The following PARPBP variants were observed in gnomAD, a reference collection of about 807,000 sequenced individuals.
PARPBP encodes the protein PARP1 binding protein, also known as PCNA-interacting partner.
Under a neutral mutation model 50.0 loss-of-function variants are expected in PARPBP, and 52 were observed. The ratio of observed to expected loss-of-function variants is 1.04; its 90% CI spans 0.83 to 1.31. The LOEUF (loss-of-function observed/expected upper bound fraction) is 1.31, where lower values mean the gene tolerates loss of function less well. Ranked by LOEUF, PARPBP falls within the 50% of genes most tolerant of loss-of-function variation. PARPBP has a pLI of 0.00. For missense variants in PARPBP, 697 were observed against 672.0 expected (o/e 1.04, Z -0.41); for synonymous variants, 244 against 232.1 (o/e 1.05, Z -0.47).
At chr12:102,126,404 T>C (rs1882002825) in intron 2 of PARPBP, among the ~76,000 whole-genome samples, 1 of 152,242 alleles carries the variant, frequency 6.6e-6, no homozygotes, top group African/African-American at 2.4e-5. Flanking sequence ...TTTTCTATTT[T>C]CTACTGTAGT....
intron 6 of PARPBP, among the ~76,000 whole-genome samples, chr12:102,168,357 ATT>A (rs1888360373): frequency 3.9e-5 from 6 of 152,082 alleles, no homozygotes; most frequent in Non-Finnish European, 8.8e-5. Context: ...GCAGCCATTT[ATT>A]TTGGATATTC....
rs1023648532 is a variant in PARPBP at position 102,197,207 on chromosome 12, G to A, written c.*916G>A. 1.5e-5 allele frequency: 21 copies of A among 1,440,048 alleles called. No homozygotes were observed. The highest frequency in any genetic ancestry group is 1.8e-5 in the Non-Finnish European group (18 of 1,026,088). The allele number at this position is 1,440,048 out of a possible 1,614,324, so 89.2% of individuals were successfully genotyped here. On this transcript the variant is annotated 3_prime_UTR_variant, in exon 11 of 11. Coordinates refer to ENST00000327680, the MANE Select transcript of PARPBP (RefSeq NM_017915.5). ...AAGGTTGATTTGGTTTTTAGCTATCGTATTCGGAGTGGAACTATAATACAA... is the reference window on the plus strand; with the variant it reads ...AAGGTTGATTTGGTTTTTAGCTATCATATTCGGAGTGGAACTATAATACAA...
chr12:102,167,016 T>C (rs1888202280), intron 6 of PARPBP, among the ~76,000 whole-genome samples: 1 of 152,200 alleles, frequency 6.6e-6, no homozygotes, highest in African/African-American at 2.4e-5. Context: ...AGTCAGGTGG[T>C]ACTACAGTCA....
At chr12:102,178,825 A>G (rs1889553359) in intron 8 of PARPBP, 55 bp downstream of exon 8, 6 of 1,185,820 alleles carry the variant, frequency 5.1e-6, no homozygotes, top group Non-Finnish European at 4.7e-6. Flanking sequence ...AGAATTATAA[A>G]AGAAATGTAT....
chr12:102,196,110 T>C lies in PARPBP; in HGVS notation c.1559T>C (p.Ile520Thr), dbSNP rs755453200. 51 of 1,611,940 alleles carry C rather than the reference T, an allele frequency of 3.2e-5. No individual in the cohort carries two copies. The highest frequency in any genetic ancestry group is 1.3e-4 in the Admixed American group (8 of 59,794). ...CAGGTGGATTTGGATGGTGAAAATATTCTCTGTGATAATAGAAATGAACCA... is the reference window on the plus strand; with the variant it reads ...CAGGTGGATTTGGATGGTGAAAATACTCTCTGTGATAATAGAAATGAACCA... ...RKQVDLDGEN[I>T]LCDNRNEPPQ... Residue 520 changes from isoleucine to threonine, a missense_variant, in exon 11 of 11, where the codon ATT (isoleucine) becomes ACT (threonine). Ile to Thr is a moderately conservative substitution (Grantham distance 89). Transcript: ENST00000327680.
intron 4 of PARPBP, among the ~76,000 whole-genome samples, chr12:102,161,848 T>C (rs1202058365): frequency 8.5e-5 from 13 of 152,198 alleles, no homozygotes; most frequent in Non-Finnish European, 5.9e-5. Context: ...AATACATGAA[T>C]GTCTACTTTA....
At chr12:102,176,936 A>G (rs1889347056) in intron 7 of PARPBP, among the ~76,000 whole-genome samples, 1 of 152,216 alleles carries the variant, frequency 6.6e-6, no homozygotes, top group African/African-American at 2.4e-5. Context: ...AGTATCAATC[A>G]GAATCTGTCA....
intron 10 of PARPBP, 123 bp from the exon 11 acceptor site, chr12:102,195,828 G>A (rs1891253806): frequency 3.3e-6 from 2 of 615,084 alleles, no homozygotes; most frequent in Non-Finnish European, 5.6e-6. Flanking sequence ...ATTATTTATA[G>A]CATTATTTTA....
chr12:102,195,345 T>C lies in PARPBP; in HGVS notation c.1297T>C (p.Cys433Arg), dbSNP rs371042821. The change falls in exon 10 of 11, where the codon TGT becomes CGT. Residue 433 changes from cysteine (C) to arginine (R), a missense_variant. By Grantham distance (180) the Cys-to-Arg change is radical (BLOSUM62 -3). Transcript: ENST00000327680. ...AACTTTAATTAGATCCCAATTTGCTTGTACTTATAAAGATGACTACATGAT... is the reference window on the plus strand; with the variant it reads ...AACTTTAATTAGATCCCAATTTGCTCGTACTTATAAAGATGACTACATGAT... ...KQTLIRSQFA[C>R]TYKDDYMISK... is the part of the protein sequence containing the mutation. The C allele has an allele frequency of 1.9e-6, 3 of 1,578,024 alleles. No individual in the cohort carries two copies. In the African/African-American group the frequency reaches 4.1e-5, roughly 21 times the overall value.
chr12:102,182,361 G>T (rs1238903443), intron 8 of PARPBP, among the ~76,000 whole-genome samples, 188 bp from the exon 9 acceptor site: 1 of 152,074 alleles, frequency 6.6e-6, no homozygotes, highest in Non-Finnish European at 1.5e-5. Context: ...TCGGTGGATT[G>T]GGTGTATTAA....
Position 102,196,820 on chromosome 12 carries a change from T to A in PARPBP, c.*529T>A, listed in dbSNP as rs1009777132. On this transcript the variant is annotated 3_prime_UTR_variant, in exon 11 of 11. Coordinates refer to ENST00000327680, the MANE Select transcript of PARPBP (RefSeq NM_017915.5). ...CTGAGTAAACCAAAATGATAATAAT[T>A]AATTGTTGCTATTTAATCCCACATT... 2 of 1,043,080 alleles carry A rather than the reference T, an allele frequency of 1.9e-6. No individual in the cohort carries two copies. The highest frequency in any genetic ancestry group is 3.2e-5 in the African/African-American group (2 of 62,118). The allele number at this position is 1,043,080 out of a possible 1,614,324, so 64.6% of individuals were successfully genotyped here. A position where few individuals can be genotyped will look rare whatever the true frequency, so the allele number is the denominator to read the frequency against.
At chr12:102,153,140 C>A (rs926891838) in intron 3 of PARPBP, among the ~76,000 whole-genome samples, 2 of 152,164 alleles carry the variant, frequency 1.3e-5, no homozygotes, top group Admixed American at 6.5e-5. Context: ...CATGGTTCCA[C>A]CTGGACCTAC....
At chr12:102,160,431 C>T (rs1043056285) in intron 4 of PARPBP, among the ~76,000 whole-genome samples, 4 of 152,128 alleles carry the variant, frequency 2.6e-5, no homozygotes, top group African/African-American at 9.7e-5. Context: ...ATAGAGATTG[C>T]ATTAAGTTAA....
Position 102,175,542 on chromosome 12 carries a change from G to A in PARPBP, c.881G>A (p.Ser294Asn), listed in dbSNP as rs1259924180. ...IKMQLIKGQN[S>N]RDPFCKAIEE... ...ATGCAACTGATTAAAGGCCAAAACA[G>A]CAGGGATCCTTTTTGCAAAGCAATA... The change falls in exon 7 of 11, where the codon AGC becomes AAC. Residue 294 changes from serine (S) to asparagine (N), a missense_variant. By Grantham distance (46) the Ser-to-Asn change is conservative. Coordinates refer to ENST00000327680, the MANE Select transcript of PARPBP (RefSeq NM_017915.5). 1 of 1,613,428 alleles carries A rather than the reference G, an allele frequency of 6.2e-7. No individual in the cohort carries two copies. Among genetic ancestry groups the A allele is most frequent in the Non-Finnish European group, 8.5e-7 (1 of 1,179,448 alleles).
chr12:102,139,414 A>C (rs941650897), intron 2 of PARPBP, among the ~76,000 whole-genome samples: 6 of 152,156 alleles, frequency 3.9e-5, no homozygotes, highest in Non-Finnish European at 8.8e-5. Flanking sequence ...AATATACAAT[A>C]ATGTCATCTG....
chr12:102,151,605 C>T (rs927928356), intron 3 of PARPBP: 2 of 1,535,504 alleles, frequency 1.3e-6, no homozygotes, highest in East Asian at 2.4e-5. Flanking sequence ...AAAGAGGAAG[C>T]TTGCTGCTGT....
chr12:102,132,057 A>G (rs937999521), intron 2 of PARPBP, among the ~76,000 whole-genome samples: 2 of 152,134 alleles, frequency 1.3e-5, no homozygotes, highest in African/African-American at 4.8e-5. Context: ...TACACAAATT[A>G]GCCAGGCCAT....
At chr12:102,143,560 C>T (rs540626711) in intron 2 of PARPBP, among the ~76,000 whole-genome samples, 38 of 152,328 alleles carry the variant, frequency 2.5e-4, no homozygotes, top group Admixed American at 2.1e-3. Context: ...TCTTCTGCGT[C>T]GCTCATACTG....
At chr12:102,181,154 T>TA (rs1295416109) in intron 8 of PARPBP, among the ~76,000 whole-genome samples, 1 of 152,194 alleles carries the variant, frequency 6.6e-6, no homozygotes, top group Non-Finnish European at 1.5e-5. Context: ...ATTCTTTACT[T>TA]AGACTTCAGG....
Sources: gnomAD v4.1 joint callset for allele counts (sites outside exome capture counted in the v4.1 genomes callset) on GRCh38, gnomAD v4.1.1 for gene constraint, MANE v1.5 for transcripts, NCBI Gene and HGNC (gene_info 2026-07-23, HGNC 2026-07-21) for gene names.